The following ZNRF3 variants were observed in gnomAD, a reference collection of about 807,000 sequenced individuals.
ZNRF3 encodes E3 ubiquitin-protein ligase ZNRF3.
Under a neutral mutation model 72.5 loss-of-function variants are expected in ZNRF3, and 23 were observed. The observed-to-expected ratio is 0.32, with a 90% CI of 0.23 to 0.45. ZNRF3 has a LOEUF of 0.45. Ranked by LOEUF, ZNRF3 falls within the 20% of genes least tolerant of loss-of-function variation. The pLI is 1.00. For missense variants in ZNRF3, 1,169 were observed against 1,272.1 expected (o/e 0.92, Z 1.23); for synonymous variants, 610 against 545.3 (o/e 1.12, Z -1.65).
rs1324038770 is a variant in ZNRF3, at chr22:28,987,190, G to A, written c.415G>A (p.Val139Ile). 2 of 1,612,826 alleles carry A rather than the reference G, an allele frequency of 1.2e-6. No individual in the cohort carries two copies. Among genetic ancestry groups the A allele is most frequent in the Non-Finnish European group, 1.7e-6 (2 of 1,179,600 alleles). The stretch of plus-strand genomic sequence containing the variant: ...ATTGGACCCGAAACCATGCCTCACT[G>A]TCCTAGGCAAGGTAAGCACCAGGCC... ...PELDPKPCLT[V>I]LGKAKRAVQR... Residue 139 changes from valine to isoleucine, a missense_variant, in exon 2 of 9, where the codon GTC becomes ATC. Physicochemically the swap from Val to Ile is conservative, Grantham distance 29. Coordinates refer to ENST00000544604, the MANE Select transcript of ZNRF3 (RefSeq NM_001206998.2).
chr22:28,986,615 G>C (rs371895794), intron 1 of ZNRF3: 1 of 985,246 alleles, frequency 1.0e-6, no homozygotes, highest in Non-Finnish European at 1.2e-6. Flanking sequence ...CATAGAGTCC[G>C]GGATGTGTTT....
intron 1 of ZNRF3, among the ~76,000 whole-genome samples, chr22:28,918,984 C>T (rs559868494): frequency 9.9e-5 from 15 of 152,284 alleles, no homozygotes; most frequent in African/African-American, 3.6e-4. Context: ...TGCAGTTGAG[C>T]AGAAATGGCA....
intron 2 of ZNRF3, among the ~76,000 whole-genome samples, chr22:29,038,229 A>G (rs115431240): frequency 0.011 from 1,678 of 152,292 alleles, 40 homozygotes; most frequent in African/African-American, 0.039. Flanking sequence ...TTGAGTAATT[A>G]AAATGGTGAA....
intron 1 of ZNRF3, among the ~76,000 whole-genome samples, chr22:28,921,584 A>G (rs184888922): frequency 1.3e-5 from 2 of 152,242 alleles, no homozygotes; most frequent in Non-Finnish European, 2.9e-5. Flanking sequence ...ACCTGAAACA[A>G]TCTGGTCTGG....
intron 4 of ZNRF3, 77 bp from the exon 5 acceptor site, chr22:29,044,703 C>T: frequency 9.8e-7 from 1 of 1,017,376 alleles, no homozygotes; most frequent in South Asian, 1.3e-5. Flanking sequence ...TTTATCCTGA[C>T]AAAGCCAAGA....
intron 2 of ZNRF3, among the ~76,000 whole-genome samples, chr22:29,020,554 C>G (rs998303217): frequency 4.6e-5 from 7 of 151,702 alleles, no homozygotes; most frequent in African/African-American, 1.7e-4. Context: ...AGCCACCGTG[C>G]CTGGCCGCAA....
intron 2 of ZNRF3, among the ~76,000 whole-genome samples, chr22:29,006,463 C>T (rs879914389): frequency 2.6e-4 from 39 of 152,134 alleles, no homozygotes; most frequent in Admixed American, 5.9e-4. Context: ...CTGCCTGCCT[C>T]GTCCTCCGAA....
At position 28,883,783 on chromosome 22, in the gene ZNRF3, G is replaced by A; in HGVS notation, c.17G>A (p.Gly6Asp). ...CGCAGGACCATGAGGCCGCGCTCGG[G>A]CGGGCGCCCAGGGGCCACGGGCCGC... Reference protein sequence around the residue: MRPRSGGRPGATGRRR... With the variant: MRPRSDGRPGATGRRR... The change falls in exon 1 of 9, where the codon GGC (glycine) becomes GAC (aspartate). Residue 6 changes from glycine (G) to aspartate (D), a missense_variant. Physicochemically the swap from Gly to Asp is moderately conservative, Grantham distance 94. Around this residue, in one of 2 missense-constraint regions of ZNRF3, gnomAD observed 386 missense variants for 540.7 expected, o/e 0.71. Transcript: ENST00000544604. The surrounding 1 kb of genome is among the most constrained non-coding windows in gnomAD (Gnocchi z 5.5). 1 of 980,120 alleles carries A rather than the reference G, an allele frequency of 1.0e-6. No individual in the cohort carries two copies. The highest frequency in any genetic ancestry group is 4.6e-5 in the South Asian group (1 of 21,968). The allele number at this position is 980,120 out of a possible 1,614,324, so 60.7% of individuals were successfully genotyped here.
chr22:29,053,482 C>T, intron 8 of ZNRF3, 97 bp from the exon 9 acceptor site: 1 of 1,190,084 alleles, frequency 8.4e-7, no homozygotes, highest in Non-Finnish European at 1.2e-6. Context: ...ATACACAGGC[C>T]TGCCACATGC....
intron 2 of ZNRF3, among the ~76,000 whole-genome samples, chr22:29,021,291 A>G (rs2036534719): frequency 6.6e-6 from 1 of 152,114 alleles, no homozygotes; most frequent in South Asian, 2.1e-4. Context: ...CAGTTTTAGT[A>G]GATAGCAGAA....
chr22:29,021,118 C>G (rs1271273906), intron 2 of ZNRF3, among the ~76,000 whole-genome samples: 1 of 151,724 alleles, frequency 6.6e-6, no homozygotes. Context: ...ACTGTAATCC[C>G]GGCTACTCAG....
intron 1 of ZNRF3, among the ~76,000 whole-genome samples, chr22:28,903,227 C>T (rs1200519283): frequency 1.3e-5 from 2 of 152,146 alleles, no homozygotes; most frequent in Non-Finnish European, 1.5e-5. Flanking sequence ...CAGTCGGGCA[C>T]GTGTGCACAC....
intron 1 of ZNRF3, among the ~76,000 whole-genome samples, chr22:28,915,300 ACTGT>A (rs1226856221): frequency 2.0e-5 from 3 of 152,260 alleles, no homozygotes; most frequent in African/African-American, 7.2e-5. Flanking sequence ...TCCATCTGTA[ACTGT>A]CTGTGTCCAA....
At chr22:29,031,365 C>T (rs968764229) in intron 2 of ZNRF3, 1 of 153,362 alleles carries the variant, frequency 6.5e-6, no homozygotes, top group Admixed American at 6.5e-5. Context: ...CCACCACCCC[C>T]GTTCCTGGCA....
At chr22:29,041,334 G>A (rs1211908051) in intron 2 of ZNRF3, among the ~76,000 whole-genome samples, 1 of 152,042 alleles carries the variant, frequency 6.6e-6, no homozygotes, top group African/African-American at 2.4e-5. Flanking sequence ...TTTAGATAAT[G>A]GGGTCTTGCT....
At chr22:29,010,535 T>C (rs1001527914) in intron 2 of ZNRF3, among the ~76,000 whole-genome samples, 1 of 152,214 alleles carries the variant, frequency 6.6e-6, no homozygotes, top group Non-Finnish European at 1.5e-5. Flanking sequence ...CACCTTTTGA[T>C]TACTGTAAAT....
At chr22:28,899,678 CTTCTTTCT>C (rs1398417456) in intron 1 of ZNRF3, among the ~76,000 whole-genome samples, 1 of 147,274 alleles carries the variant, frequency 6.8e-6, no homozygotes, top group South Asian at 2.1e-4. Flanking sequence ...TCTTTCTTTT[CTTCTTTCT>C]TTCTTTCTTT....
intron 2 of ZNRF3, among the ~76,000 whole-genome samples, chr22:29,018,939 C>A (rs932910613): frequency 5.3e-5 from 8 of 150,844 alleles, no homozygotes; most frequent in African/African-American, 1.7e-4. Flanking sequence ...TCTGTGCCAG[C>A]TTGGCTGATC....
At chr22:28,959,186 C>CA (rs2035311529) in intron 1 of ZNRF3, among the ~76,000 whole-genome samples, 3 of 152,340 alleles carry the variant, frequency 2.0e-5, no homozygotes, top group Non-Finnish European at 4.4e-5. Flanking sequence ...GCTCAGCTTG[C>CA]ATGAGCATCT....
Sources: gnomAD v4.1 joint callset for allele counts (sites outside exome capture counted in the v4.1 genomes callset) on GRCh38, gnomAD v4.1.1 for gene constraint, gnomAD v4.1.1 regional missense constraint, Gnocchi (gnomAD v3.1) non-coding constraint, MANE v1.5 for transcripts, NCBI Gene and HGNC (gene_info 2026-07-23, HGNC 2026-07-21) for gene names.